DNAH9: variants seen among roughly 807,000 people sequenced by gnomAD.
DNAH9 encodes dynein axonemal heavy chain 9, also known as DNAH9 variant protein.
A neutral mutation model predicts 471.6 loss-of-function variants in DNAH9; 345 were observed. That is an observed-to-expected ratio of 0.73 (90% CI 0.67 to 0.80). The LOEUF is 0.80. Ranked by LOEUF, DNAH9 falls within the 30% of genes least tolerant of loss-of-function variation. DNAH9 has a pLI of 0.00. For missense variants in DNAH9, 5,407 were observed against 5,609.2 expected (o/e 0.96, Z 1.15); for synonymous variants, 2,093 against 2,123.6 (o/e 0.99, Z 0.40).
At chr17:11,889,876 T>A (rs891665564) in intron 57 of DNAH9, among the ~76,000 whole-genome samples, 1 of 152,134 alleles carries the variant, frequency 6.6e-6, no homozygotes, top group Admixed American at 6.6e-5. Flanking sequence ...TAAGACCCCA[T>A]GGGCAGGAGA....
rs760755811 is a variant in DNAH9, at chr17:11,962,142, G to A, written c.13119G>A (p.Gln4373=). The change falls in exon 68 of 69, where the codon CAG becomes CAA. Residue 4373 remains glutamine, a synonymous_variant. Coordinates refer to ENST00000262442, the MANE Select transcript of DNAH9 (RefSeq NM_001372.4). The surrounding 1 kb of genome is among the most constrained non-coding windows in gnomAD (Gnocchi z 4.1). ...TARKNEWPLD[Q]MALQCDMTKK... is the part of the protein sequence containing the mutation. ...GCAAGAATGAGTGGCCACTGGACCA[G>A]ATGGCCCTGCAATGTGACATGACGA... 4 of 1,614,162 alleles carry A rather than the reference G, an allele frequency of 2.5e-6. No homozygotes were observed. In the South Asian group the frequency reaches 4.4e-5, roughly 18 times the overall value.
At chr17:11,656,549 A>T (rs1415344598) in intron 14 of DNAH9, among the ~76,000 whole-genome samples, 2 of 152,190 alleles carry the variant, frequency 1.3e-5, no homozygotes, top group African/African-American at 2.4e-5. Context: ...TGACTAACTC[A>T]TCCCACTGTT....
chr17:11,613,321 A>T (rs542568321), intron 4 of DNAH9, among the ~76,000 whole-genome samples: 18 of 152,122 alleles, frequency 1.2e-4, no homozygotes, highest in East Asian at 3.9e-4. Flanking sequence ...AAAGTTTTTT[A>T]AAAAAAATAT....
chr17:11,608,451 T>A, intron 2 of DNAH9, 126 bp downstream of exon 2: 1 of 755,302 alleles, frequency 1.3e-6, no homozygotes, highest in Non-Finnish European at 2.1e-6. Flanking sequence ...ACAAGCCTAC[T>A]GTCTGCTCTG....
rs376627377 is a variant in DNAH9 at position 11,928,122 on chromosome 17, T to TATTTATTC, written c.11878-1741_11878-1740insTATTCATT. ...TTATTTATTTATTTATTTATTTATT[T>TATTTATTC]ATTCATTCATTCATTTATTTATTTA... On this transcript the variant is annotated intron_variant, in intron 62 of 68. Transcript: ENST00000262442. Among the ~76,000 whole-genome samples the TATTTATTC allele has an allele frequency of 7.6e-3, 1,021 of 133,618 alleles. 5 individuals carry two copies. Among genetic ancestry groups the TATTTATTC allele is most frequent in the Admixed American group, 0.015 (204 of 13,358 alleles). The allele number at this position is 133,618 out of a possible 152,430, so 87.7% of individuals were successfully genotyped here.
At chr17:11,622,761 A>G (rs928332240) in intron 6 of DNAH9, among the ~76,000 whole-genome samples, 2 of 152,136 alleles carry the variant, frequency 1.3e-5, no homozygotes, top group African/African-American at 4.8e-5. Flanking sequence ...TCTCACAATA[A>G]GTCCTTTCTC....
chr17:11,617,556 G>A lies in DNAH9; in HGVS notation c.1050G>A (p.Lys350=), dbSNP rs151151666. The change falls in exon 5 of 69, where the codon AAG becomes AAA. Residue 350 remains lysine (K), a synonymous_variant. Coordinates refer to ENST00000262442, the MANE Select transcript of DNAH9 (RefSeq NM_001372.4). ...HVVCLIWATC[K]SYRSPGRLTV... Reference sequence around the variant, plus strand: ...TCTGTCTGATTTGGGCCACATGCAAGTCCTACCGCTCCCCGGGAAGGCTGA... The same window carrying A: ...TCTGTCTGATTTGGGCCACATGCAAATCCTACCGCTCCCCGGGAAGGCTGA... 26 of 1,614,164 alleles carry A rather than the reference G, an allele frequency of 1.6e-5. No homozygotes were observed. Among genetic ancestry groups the A allele is most frequent in the Non-Finnish European group, 2.2e-5 (26 of 1,180,036 alleles).
intron 4 of DNAH9, among the ~76,000 whole-genome samples, chr17:11,613,133 C>T (rs1305961551): frequency 6.6e-6 from 1 of 152,214 alleles, no homozygotes; most frequent in Non-Finnish European, 1.5e-5. Flanking sequence ...AGAGGCAGCT[C>T]TCCCAGCACG....
In DNAH9 at chr17:11,883,749, A is replaced by G; in HGVS notation, c.10970A>G (p.Lys3657Arg). Residue 3657 changes from lysine (K) to arginine (R), a missense_variant and splice_region_variant, in exon 56 of 69, where the codon AAG becomes AGG. Lys to Arg is a conservative substitution (Grantham distance 26, BLOSUM62 2). Around this residue, in one of 3 missense-constraint regions of DNAH9, gnomAD observed 4,636 missense variants for 4,900.3 expected, o/e 0.95. Coordinates refer to ENST00000262442, the MANE Select transcript of DNAH9 (RefSeq NM_001372.4). ...TKQTAAEVEKKVQEAKVTEVK... is the reference protein window; with the variant it reads ...TKQTAAEVEKRVQEAKVTEVK... Reference sequence around the variant, plus strand: ...CAGACTGCTGCCGAAGTTGAGAAAAAGGTAAAACTCCTCTGGCTAGTCTGG... The same window carrying G: ...CAGACTGCTGCCGAAGTTGAGAAAAGGGTAAAACTCCTCTGGCTAGTCTGG... 1 of 1,613,400 alleles carries G rather than the reference A, an allele frequency of 6.2e-7. No homozygotes were observed. The highest frequency in any genetic ancestry group is 8.5e-7 in the Non-Finnish European group (1 of 1,179,784).
intron 61 of DNAH9, among the ~76,000 whole-genome samples, chr17:11,911,761 C>G (rs1302523022): frequency 2.0e-5 from 3 of 152,034 alleles, no homozygotes; most frequent in African/African-American, 7.2e-5. Flanking sequence ...GTTCTTTTAA[C>G]TATGTTTTGT....
intron 2 of DNAH9, among the ~76,000 whole-genome samples, chr17:11,608,986 A>T (rs1225767493): frequency 2.0e-5 from 3 of 152,110 alleles, no homozygotes. Context: ...TCCCTTGGGA[A>T]TTCTTTTCCC....
intron 49 of DNAH9, among the ~76,000 whole-genome samples, chr17:11,845,099 T>C (rs145236162): frequency 0.014 from 2,156 of 150,554 alleles, 47 homozygotes; most frequent in African/African-American, 0.05. Flanking sequence ...TGGTGTGCTG[T>C]ACCCACTAAC....
In DNAH9 at chr17:11,652,873, G is replaced by C; in HGVS notation, c.2466G>C (p.Val822=). The C allele has an allele frequency of 6.2e-7, 1 of 1,614,094 alleles. No individual in the cohort carries two copies. Among genetic ancestry groups the C allele is most frequent in the South Asian group, 1.1e-5 (1 of 91,062 alleles). ...EEIQNIMKTW[V]TPIFKTKDGK... ...TCCAAAACATCATGAAAACATGGGT[G>C]ACTCCAATATTTAAGACAAAAGATG... The change falls in exon 14 of 69, where the codon GTG becomes GTC. Residue 822 remains valine, a synonymous_variant. Transcript: ENST00000262442.
chr17:11,731,973 C>T (rs962649864), intron 28 of DNAH9, among the ~76,000 whole-genome samples: 43 of 152,316 alleles, frequency 2.8e-4, no homozygotes, highest in African/African-American at 9.9e-4. Context: ...GGAATCTCCA[C>T]ATTGACTTCC....
At chr17:11,894,166 ACT>A (rs1973151837) in intron 58 of DNAH9, among the ~76,000 whole-genome samples, 1 of 152,082 alleles carries the variant, frequency 6.6e-6, no homozygotes, top group South Asian at 2.1e-4. Context: ...CAGTTCAGTC[ACT>A]CTCATATTTG....
Position 11,886,910 on chromosome 17 carries a change from A to G in DNAH9, c.11057A>G (p.Tyr3686Cys), listed in dbSNP as rs145752160. The stretch of plus-strand genomic sequence containing the variant: ...GCAGCTGCCAGGGCCTCACTGCTCT[A>G]CTTCATCATGAACGACCTCAGCAAG... ...RPAAARASLL[Y>C]FIMNDLSKIH... The change falls in exon 57 of 69, where the codon TAC becomes TGC. Residue 3686 changes from tyrosine to cysteine, a missense_variant. Tyr to Cys is a radical substitution (Grantham distance 194). Coordinates refer to ENST00000262442, the MANE Select transcript of DNAH9 (RefSeq NM_001372.4). The G allele has an allele frequency of 7.0e-4, 1,123 of 1,613,124 alleles. No homozygotes were observed. The highest frequency in any genetic ancestry group is 5.2e-4 in the Non-Finnish European group (615 of 1,179,608).
intron 32 of DNAH9, among the ~76,000 whole-genome samples, chr17:11,748,870 A>G (rs950088776): frequency 2.0e-5 from 3 of 152,252 alleles, no homozygotes; most frequent in South Asian, 2.1e-4. Flanking sequence ...ATGTCTGACC[A>G]CATCCGGGTC....
intron 65 of DNAH9, among the ~76,000 whole-genome samples, chr17:11,935,373 ATTTT>A (rs140943753): frequency 6.9e-4 from 97 of 140,340 alleles, no homozygotes; most frequent in Admixed American, 7.9e-4. Context: ...ATTCCAAAAG[ATTTT>A]TTTTTTTTTT....
Position 11,679,962 on chromosome 17 carries a change from G to A in DNAH9, c.3559G>A (p.Val1187Met). The A allele has an allele frequency of 1.2e-6, 2 of 1,613,812 alleles. No individual in the cohort carries two copies. Among genetic ancestry groups the A allele is most frequent in the Non-Finnish European group, 1.7e-6 (2 of 1,179,764 alleles). The change falls in exon 18 of 69, where the codon GTG becomes ATG. Residue 1187 changes from valine to methionine, a missense_variant. By Grantham distance (21) the Val-to-Met change is conservative (BLOSUM62 1). Coordinates refer to ENST00000262442, the MANE Select transcript of DNAH9 (RefSeq NM_001372.4). ...KTYEQELPETVFKQLEELPEK... is the reference protein window; with the variant it reads ...KTYEQELPETMFKQLEELPEK... ...CTATGAACAAGAATTGCCAGAAACA[G>A]TGTTTAAGCAGCTGGAGGTCAGTGC... is the stretch of plus-strand genomic sequence containing the variant.
Sources: gnomAD v4.1 joint callset for allele counts (sites outside exome capture counted in the v4.1 genomes callset) on GRCh38, gnomAD v4.1.1 for gene constraint, gnomAD v4.1.1 regional missense constraint, Gnocchi (gnomAD v3.1) non-coding constraint, MANE v1.5 for transcripts, NCBI Gene and HGNC (gene_info 2026-07-23, HGNC 2026-07-21) for gene names.